The following ATXN7L2 variants were observed in gnomAD, a reference collection of about 807,000 sequenced individuals.
ATXN7L2 encodes ataxin-7-like protein 2.
A neutral mutation model predicts 59.6 loss-of-function variants in ATXN7L2; 17 were observed. That is an observed-to-expected ratio of 0.29 (90% CI 0.20 to 0.43). ATXN7L2 has a LOEUF of 0.43. Among genes scored for constraint, ATXN7L2 ranks in the 20% least tolerant of loss-of-function variants. The pLI is 1.00. For synonymous variants in ATXN7L2, 378 were observed against 392.5 expected, an observed-to-expected ratio of 0.96 and a Z score of 0.44; for missense variants, 858 against 1,008.9, an observed-to-expected ratio of 0.85 and a Z score of 2.03.
At chr1:109,492,184 T>C (rs922960557) in intron 10 of ATXN7L2, 24 of 914,466 alleles carry the variant, frequency 2.6e-5, no homozygotes, top group African/African-American at 2.1e-4. Context: ...TGTCCACTTA[T>C]GCACATGTGC....
intron 10 of ATXN7L2, among the ~76,000 whole-genome samples, 159 bp from the exon 11 acceptor site, chr1:109,492,427 C>T (rs976211324): frequency 2.6e-5 from 4 of 152,220 alleles, no homozygotes; most frequent in African/African-American, 9.7e-5. Flanking sequence ...CAGGCTGCCC[C>T]TGGTGAGCTG....
intron 1 of ATXN7L2, among the ~76,000 whole-genome samples, 188 bp downstream of exon 1, chr1:109,484,268 C>T (rs1400608538): frequency 1.3e-5 from 2 of 152,086 alleles, no homozygotes; most frequent in African/African-American, 4.8e-5. Flanking sequence ...GTCCTAGCGC[C>T]TGCTCACCGC....
In ATXN7L2 at chr1:109,492,668, C is replaced by G; in HGVS notation, c.*68C>G. The G allele has an allele frequency of 6.4e-7, 1 of 1,564,612 alleles. No homozygotes were observed. Among genetic ancestry groups the G allele is most frequent in the South Asian group, 1.1e-5 (1 of 87,352 alleles). Reference sequence around the variant, plus strand: ...CTCCCCTCCAGATCCGGGCCCCAGGCTGCTGCCGCTTTTTATAACTTTATA... The same window carrying G: ...CTCCCCTCCAGATCCGGGCCCCAGGGTGCTGCCGCTTTTTATAACTTTATA... On this transcript the variant is annotated 3_prime_UTR_variant, in exon 11 of 11. Coordinates refer to ENST00000683729, the MANE Select transcript of ATXN7L2 (RefSeq NM_001350175.2).
rs185034916 is a variant in ATXN7L2 at position 109,490,325 on chromosome 1, C to T, written c.1387C>T (p.Arg463Trp). 3 of 1,613,792 alleles carry T rather than the reference C, an allele frequency of 1.9e-6. No homozygotes were observed. Among genetic ancestry groups the T allele is most frequent in the Non-Finnish European group, 1.7e-6 (2 of 1,180,024 alleles). Residue 463 changes from arginine to tryptophan, a missense_variant, in exon 9 of 11, where the codon CGG becomes TGG. By Grantham distance (101) the Arg-to-Trp change is moderately radical (BLOSUM62 -3). This residue lies in a region of ATXN7L2 where 734 missense variants were observed against 862.3 expected (regional missense o/e 0.85). Coordinates refer to ENST00000683729, the MANE Select transcript of ATXN7L2 (RefSeq NM_001350175.2). The part of the protein sequence containing the change: ...VSPGCYVFSR[R>W]LDRFCSALSS... Reference sequence around the variant, plus strand: ...CCCAGGATGCTATGTGTTTAGCCGCCGGCTGGACCGGTTCTGCTCAGCACT... The same window carrying T: ...CCCAGGATGCTATGTGTTTAGCCGCTGGCTGGACCGGTTCTGCTCAGCACT...
chr1:109,490,319 A>T lies in ATXN7L2; in HGVS notation c.1381A>T (p.Ser461Cys). 6.2e-7 allele frequency: 1 copy of T among 1,613,990 alleles called. No homozygotes were observed. The highest frequency in any genetic ancestry group is 8.5e-7 in the Non-Finnish European group (1 of 1,180,018). ...RLVSPGCYVF[S>C]RRLDRFCSAL... ...GGTGAGCCCAGGATGCTATGTGTTT[A>T]GCCGCCGGCTGGACCGGTTCTGCTC... The change falls in exon 9 of 11, where the codon AGC becomes TGC. Residue 461 changes from serine (S) to cysteine (C), a missense_variant. By Grantham distance (112) the Ser-to-Cys change is moderately radical. Coordinates refer to ENST00000683729, the MANE Select transcript of ATXN7L2 (RefSeq NM_001350175.2).
chr1:109,489,120 C>T lies in ATXN7L2; in HGVS notation c.1133+20C>T. The T allele has an allele frequency of 1.3e-6, 2 of 1,599,258 alleles. No homozygotes were observed. The highest frequency in any genetic ancestry group is 1.7e-6 in the Non-Finnish European group (2 of 1,169,172). On this transcript the variant is annotated intron_variant, in intron 7 of 10. Transcript: ENST00000683729. ...GCCCAGGTACGTCTAGAATCCAACC[C>T]CTACCTCACCTGGGGGTACTTGGCC... is the stretch of plus-strand genomic sequence containing the variant.
Position 109,487,498 on chromosome 1 carries a change from C to T in ATXN7L2, c.510-20C>T. ...GCCTCCCCTCCCCTCCCTCAGCCAA[C>T]CCCCTCTCTCTGTGTGTAGCCTTTT... On this transcript the variant is annotated intron_variant, in intron 4 of 10. Coordinates refer to ENST00000683729, the MANE Select transcript of ATXN7L2 (RefSeq NM_001350175.2). The T allele has an allele frequency of 1.0e-5, 15 of 1,481,418 alleles. No homozygotes were observed. Among genetic ancestry groups the T allele is most frequent in the East Asian group, 4.9e-5 (2 of 41,116 alleles). The allele number at this position is 1,481,418 out of a possible 1,614,324, so 91.8% of individuals were successfully genotyped here. A position where few individuals can be genotyped will look rare whatever the true frequency, so the allele number is the denominator to read the frequency against.
chr1:109,487,024 C>A lies in ATXN7L2; in HGVS notation c.316C>A (p.Leu106Ile), dbSNP rs140914074. Residue 106 changes from leucine to isoleucine, a missense_variant, in exon 4 of 11, where the codon CTC (leucine) becomes ATC (isoleucine). By Grantham distance (5) the Leu-to-Ile change is conservative. This residue lies in a region of ATXN7L2 where 734 missense variants were observed against 862.3 expected (regional missense o/e 0.85). Coordinates refer to ENST00000683729, the MANE Select transcript of ATXN7L2 (RefSeq NM_001350175.2). ...QKHCERRHGP[L>I]SKLYGRAPPP... ...GGTGACAGAAAGAAGACATGGGCCC[C>A]TCAGCAAGCTTTATGGCCGGGCCCC... 5 of 1,598,730 alleles carry A rather than the reference C, an allele frequency of 3.1e-6. No individual in the cohort carries two copies. The African/African-American group carries it at 5.4e-5, about 17-fold the overall frequency.
At position 109,487,076 on chromosome 1, in the gene ATXN7L2, C is replaced by T; in HGVS notation, c.368C>T (p.Ser123Phe). The T allele has an allele frequency of 6.2e-7, 1 of 1,613,238 alleles. No homozygotes were observed. Among genetic ancestry groups the T allele is most frequent in the Non-Finnish European group, 8.5e-7 (1 of 1,179,612 alleles). Residue 123 changes from serine (S) to phenylalanine (F), a missense_variant, in exon 4 of 11, where the codon TCT becomes TTT. Ser to Phe is a radical substitution (Grantham distance 155, BLOSUM62 -2). This residue lies in a region of ATXN7L2 where 734 missense variants were observed against 862.3 expected (regional missense o/e 0.85). Coordinates refer to ENST00000683729, the MANE Select transcript of ATXN7L2 (RefSeq NM_001350175.2). ...CCCCCACCTCCAGCCCCTGCCAGCT[C>T]TCAGAAATGCCATGTAGTGAATGGG... ...APPPPPAPAS[S>F]QKCHVVNGQG...
Position 109,488,445 on chromosome 1 carries a change from A to G in ATXN7L2, c.859A>G (p.Thr287Ala). 1 of 1,602,772 alleles carries G rather than the reference A, an allele frequency of 6.2e-7. No individual in the cohort carries two copies. Among genetic ancestry groups the G allele is most frequent in the South Asian group, 1.1e-5 (1 of 89,666 alleles). The change falls in exon 6 of 11, where the codon ACC becomes GCC. Residue 287 changes from threonine (T) to alanine (A), a missense_variant. Transcript: ENST00000683729. This position sits in a 1 kb window ranked among gnomAD's most constrained non-coding sequence, Gnocchi z 5.0. ...AAATCCAGAGACCAAAAAGATCTGT[A>G]CCCGCCTGTTGACCTGCAAGGTAAC... ...VINPETKKIC[T>A]RLLTCKIHSV...
Position 109,483,943 on chromosome 1 carries a change from C to A in ATXN7L2, c.-11C>A. 3.3e-6 allele frequency: 4 copies of A among 1,226,398 alleles called. No homozygotes were observed. The highest frequency in any genetic ancestry group is 4.1e-6 in the Non-Finnish European group (4 of 980,582). 76.0% of individuals were successfully genotyped at this position (1,226,398 alleles called of 1,614,324 possible). On this transcript the variant is annotated 5_prime_UTR_variant, in exon 1 of 11. Transcript: ENST00000683729. ...CGGCGGCGCCAGGGCGGGCGCGCGT[C>A]CGCGGCGGTGATGGCGGTGCGTGAA... is the stretch of plus-strand genomic sequence containing the variant.
In ATXN7L2 at chr1:109,486,189, C is replaced by T; in HGVS notation, c.193+67C>T. ...AGGACCACGCTCCACTTTTCCACCA[C>T]ACTACAGAAGGAGGTGGCTGCTTGA... On this transcript the variant is annotated intron_variant, in intron 2 of 10. Coordinates refer to ENST00000683729, the MANE Select transcript of ATXN7L2 (RefSeq NM_001350175.2). This position sits in a 1 kb window ranked among gnomAD's most constrained non-coding sequence, Gnocchi z 4.3. 1.3e-6 allele frequency: 2 copies of T among 1,503,282 alleles called. No homozygotes were observed. The highest frequency in any genetic ancestry group is 1.8e-6 in the Non-Finnish European group (2 of 1,127,268). The allele number at this position is 1,503,282 out of a possible 1,614,324, so 93.1% of individuals were successfully genotyped here. A position where few individuals can be genotyped will look rare whatever the true frequency, so the allele number is the denominator to read the frequency against.
rs1202539233 is a variant in ATXN7L2 at position 109,489,008 on chromosome 1, C to T, written c.1041C>T (p.Pro347=). The T allele has an allele frequency of 3.1e-6, 5 of 1,614,060 alleles. No individual in the cohort carries two copies. The South Asian group carries it at 3.3e-5, about 11-fold the overall frequency. ...QVLERPSQEL[P]SSVQVVAAVA... is the part of the protein sequence containing the mutation. ...TCGAGCGCCCCTCCCAGGAGCTCCCCTCCTCAGTCCAGGTTGTAGCAGCGG... is the reference window on the plus strand; with the variant it reads ...TCGAGCGCCCCTCCCAGGAGCTCCCTTCCTCAGTCCAGGTTGTAGCAGCGG... The change falls in exon 7 of 11, where the codon CCC becomes CCT. Residue 347 remains proline, a synonymous_variant. Coordinates refer to ENST00000683729, the MANE Select transcript of ATXN7L2 (RefSeq NM_001350175.2).
rs767105035 is a variant in ATXN7L2, at chr1:109,490,060, G to A, written c.1264G>A (p.Gly422Arg). 2 of 1,607,688 alleles carry A rather than the reference G, an allele frequency of 1.2e-6. No homozygotes were observed. The highest frequency in any genetic ancestry group is 2.2e-5 in the East Asian group (1 of 44,824). Residue 422 changes from glycine to arginine, a missense_variant, in exon 8 of 11, where the codon GGG (glycine) becomes AGG (arginine). Gly to Arg is a moderately radical substitution (Grantham distance 125, BLOSUM62 -2). Around this residue, in one of 3 missense-constraint regions of ATXN7L2, gnomAD observed 734 missense variants for 862.3 expected, o/e 0.85. Transcript: ENST00000683729. ...CTCCAGCGAAGAGAGTGAGGAGGAG[G>A]GGACATCTGACGACCTCCACCCACC... ...QASSEESEEE[G>R]TSDDLHPPPD...
In ATXN7L2 at chr1:109,486,807, G is replaced by A. The variant is rs547187659; in HGVS notation, c.298+197G>A. On this transcript the variant is annotated intron_variant, in intron 3 of 10. Transcript: ENST00000683729. This position sits in a 1 kb window ranked among gnomAD's most constrained non-coding sequence, Gnocchi z 4.3. Reference sequence around the variant, plus strand: ...AAATTCTAGCATCCAGTGGAATTACGGGAGGAGTTAAGACATTCAGGAAGC... The same window carrying A: ...AAATTCTAGCATCCAGTGGAATTACAGGAGGAGTTAAGACATTCAGGAAGC... Among the ~76,000 whole-genome samples, 2 of 152,202 alleles carry A rather than the reference G, an allele frequency of 1.3e-5. No homozygotes were observed. The highest frequency in any genetic ancestry group is 2.1e-4 in the South Asian group (1 of 4,832).
chr1:109,489,199 C>G, intron 7 of ATXN7L2, 99 bp downstream of exon 7: 1 of 1,447,508 alleles, frequency 6.9e-7, no homozygotes, highest in Non-Finnish European at 9.3e-7. Flanking sequence ...CTGGAAGAGG[C>G]ACTCCCTCAG....
In ATXN7L2 at chr1:109,491,691, T is replaced by C; in HGVS notation, c.2224T>C (p.Phe742Leu). The C allele has an allele frequency of 6.2e-7, 1 of 1,606,312 alleles. No individual in the cohort carries two copies. Among genetic ancestry groups the C allele is most frequent in the Non-Finnish European group, 8.5e-7 (1 of 1,175,750 alleles). ...RRKKPGPALA[F>L]EEKCSTLKSK... ...CAAGAAGCCAGGCCCGGCCCTGGCCTTTGAGGAGAAGTGCTCTACACTGAA... is the reference window on the plus strand; with the variant it reads ...CAAGAAGCCAGGCCCGGCCCTGGCCCTTGAGGAGAAGTGCTCTACACTGAA... Residue 742 changes from phenylalanine (F) to leucine (L), a missense_variant, in exon 10 of 11, where the codon TTT becomes CTT. Transcript: ENST00000683729. The surrounding 1 kb of genome is among the most constrained non-coding windows in gnomAD (Gnocchi z 4.1).
In ATXN7L2 at chr1:109,491,751, T is replaced by TG. The variant is rs1377724978; in HGVS notation, c.2250+38dup. On this transcript the variant is annotated intron_variant, in intron 10 of 10. Coordinates refer to ENST00000683729, the MANE Select transcript of ATXN7L2 (RefSeq NM_001350175.2). This position sits in a 1 kb window ranked among gnomAD's most constrained non-coding sequence, Gnocchi z 4.1. The stretch of plus-strand genomic sequence containing the variant: ...CAGGCTCCCTGAAGATTGATGAGGG[T>TG]GGGGCACACAGGGGGTACCTGATAC... 1 of 1,540,580 alleles carries TG rather than the reference T, an allele frequency of 6.5e-7. No homozygotes were observed. The highest frequency in any genetic ancestry group is 8.8e-7 in the Non-Finnish European group (1 of 1,140,726).
In ATXN7L2 at chr1:109,491,634, G is replaced by A; in HGVS notation, c.2167G>A (p.Ala723Thr). ...GAAGGCCAAGCACTGTCAGGCTGGTGCCCCTGCTGATGTGGCCTGCTCTGT... is the reference window on the plus strand; with the variant it reads ...GAAGGCCAAGCACTGTCAGGCTGGTACCCCTGCTGATGTGGCCTGCTCTGT... Reference protein sequence around the residue: ...PVKAKHCQAGAPADVACSVRR... With the variant: ...PVKAKHCQAGTPADVACSVRR... Residue 723 changes from alanine (A) to threonine (T), a missense_variant, in exon 10 of 11, where the codon GCC (alanine) becomes ACC (threonine). Physicochemically the swap from Ala to Thr is moderately conservative, Grantham distance 58 (BLOSUM62 0). Transcript: ENST00000683729. This position sits in a 1 kb window ranked among gnomAD's most constrained non-coding sequence, Gnocchi z 4.1. The A allele has an allele frequency of 1.9e-6, 3 of 1,613,262 alleles. No homozygotes were observed. In the Admixed American group the frequency reaches 5.0e-5, roughly 27 times the overall value.
Sources: allele counts gnomAD v4.1 joint callset (sites outside exome capture counted in the v4.1 genomes callset), GRCh38; gene constraint gnomAD v4.1.1; regional missense constraint gnomAD v4.1.1; non-coding constraint Gnocchi (gnomAD v3.1); transcripts MANE v1.5; gene names NCBI Gene and HGNC (gene_info 2026-07-23, HGNC 2026-07-21).